The following HIP1 variants were observed in gnomAD, a reference collection of about 807,000 sequenced individuals.
The protein encoded by HIP1 is huntingtin-interacting protein 1.
A neutral mutation model predicts 147.6 loss-of-function variants in HIP1; 65 were observed. That is an observed-to-expected ratio of 0.44 (90% confidence interval 0.36 to 0.54). The LOEUF is 0.54. HIP1 is among the 20% of genes least tolerant of loss of function. The pLI, the probability that HIP1 is intolerant of heterozygous loss-of-function variation, is 0.00. For synonymous variants in HIP1, 479 were observed against 504.0 expected (o/e 0.95, Z 0.67); for missense variants, 1,061 against 1,299.6 (o/e 0.82, Z 2.82).
Position 75,547,770 on chromosome 7 carries a change from A to G in HIP1, c.2450T>C (p.Leu817Ser), listed in dbSNP as rs146331669. ...KSRAGDTGVK[L>S]EVNERILGCC... is the part of the protein sequence containing the mutation. ...TCAGACCGACCTTTCATTCACCTCC[A>G]ATTTGACTCCTGTGTCTCCTGCTCG... Residue 817 changes from leucine to serine, a missense_variant, in exon 24 of 31, where the codon TTG becomes TCG. Leu to Ser is a moderately radical substitution (Grantham distance 145). Coordinates refer to ENST00000336926, the MANE Select transcript of HIP1 (RefSeq NM_005338.7). 458 of 1,613,818 alleles carry G rather than the reference A, an allele frequency of 2.8e-4. 1 individual carries two copies. The highest frequency in any genetic ancestry group is 4.5e-4 in the Admixed American group (27 of 59,978).
chr7:75,557,825 C>G (rs950147716), intron 15 of HIP1, 55 bp from the exon 16 acceptor site: 4 of 1,311,788 alleles, frequency 3.0e-6, no homozygotes, highest in South Asian at 1.2e-5. Context: ...AGAGGACATC[C>G]TCCTTCTAGG....
chr7:75,672,132 C>A (rs782088181), intron 1 of HIP1, among the ~76,000 whole-genome samples: 1 of 152,138 alleles, frequency 6.6e-6, no homozygotes, highest in Non-Finnish European at 1.5e-5. Flanking sequence ...GTGATAGGCA[C>A]CTTTGCATGT....
At chr7:75,540,741 T>C (rs1353518937) in intron 29 of HIP1, among the ~76,000 whole-genome samples, 2 of 152,166 alleles carry the variant, frequency 1.3e-5, no homozygotes, top group African/African-American at 4.8e-5. Flanking sequence ...AGGATCTCGC[T>C]GATACCTATT....
At chr7:75,714,030 C>T (rs554734282) in intron 1 of HIP1, among the ~76,000 whole-genome samples, 58 of 148,444 alleles carry the variant, frequency 3.9e-4, no homozygotes, top group African/African-American at 1.4e-3. Flanking sequence ...TATTTTATTT[C>T]ATTTTATTTT....
At chr7:75,545,733 C>T (rs587736127) in intron 25 of HIP1, among the ~76,000 whole-genome samples, 4 of 152,086 alleles carry the variant, frequency 2.6e-5, no homozygotes, top group African/African-American at 9.6e-5. Context: ...ATCACGAGGT[C>T]AAGAGATTGA....
At chr7:75,691,202 A>G (rs1800441787) in intron 1 of HIP1, among the ~76,000 whole-genome samples, 1 of 151,858 alleles carries the variant, frequency 6.6e-6, no homozygotes, top group Non-Finnish European at 1.5e-5. Context: ...AAACTTCCAG[A>G]AAAGGGCCGG....
intron 1 of HIP1, among the ~76,000 whole-genome samples, chr7:75,721,190 C>A (rs1484579267): frequency 6.6e-6 from 1 of 151,854 alleles, no homozygotes. Flanking sequence ...CAGCCTGCCC[C>A]AAATGGTGAA....
At chr7:75,615,430 T>C (rs1412466990) in intron 1 of HIP1, among the ~76,000 whole-genome samples, 3 of 152,072 alleles carry the variant, frequency 2.0e-5, no homozygotes, top group Non-Finnish European at 4.4e-5. Context: ...GGTATATCTG[T>C]AGTGGTGGCT....
At chr7:75,541,358 G>C (rs1255305865) in intron 29 of HIP1, among the ~76,000 whole-genome samples, 1 of 152,014 alleles carries the variant, frequency 6.6e-6, no homozygotes, top group Admixed American at 6.6e-5. Context: ...GTGAAACCCT[G>C]TCTCTACTAA....
At chr7:75,554,579 A>C in intron 19 of HIP1, 53 bp from the exon 20 acceptor site, 1 of 1,338,638 alleles carries the variant, frequency 7.5e-7, no homozygotes, top group Non-Finnish European at 1.1e-6. Flanking sequence ...AGCTGGCTTC[A>C]TCCTCGTTAA....
chr7:75,648,781 G>A (rs139225050), intron 1 of HIP1, among the ~76,000 whole-genome samples: 1 of 152,208 alleles, frequency 6.6e-6, no homozygotes, highest in Non-Finnish European at 1.5e-5. Flanking sequence ...CCAGAGAGCA[G>A]ACCCTGGGAA....
At chr7:75,617,671 C>T (rs947624411) in intron 1 of HIP1, among the ~76,000 whole-genome samples, 2 of 152,162 alleles carry the variant, frequency 1.3e-5, no homozygotes, top group Non-Finnish European at 2.9e-5. Flanking sequence ...GTAAGAGACT[C>T]GGACACCAGG....
In HIP1 at chr7:75,536,828, C is replaced by T. The variant is rs1304770454; in HGVS notation, c.*1344G>A. Reference sequence around the variant, plus strand: ...AGAAAGATGAGCCTTGCTAGAGTCACACCTGAAGTTCTGATTGCTCCAAGC... The same window carrying T: ...AGAAAGATGAGCCTTGCTAGAGTCATACCTGAAGTTCTGATTGCTCCAAGC... On this transcript the variant is annotated 3_prime_UTR_variant, in exon 31 of 31. Transcript: ENST00000336926. 1 of 230,508 alleles carries T rather than the reference C, an allele frequency of 4.3e-6. No homozygotes were observed. Among genetic ancestry groups the T allele is most frequent in the Admixed American group, 5.7e-5 (1 of 17,692 alleles). The allele number at this position is 230,508 out of a possible 1,614,324, so 14.3% of individuals were successfully genotyped here.
At chr7:75,718,104 G>A (rs574939570) in intron 1 of HIP1, among the ~76,000 whole-genome samples, 6 of 151,956 alleles carry the variant, frequency 3.9e-5, no homozygotes, top group South Asian at 2.1e-4. Context: ...ACAACATAGC[G>A]AGACCCCATT....
intron 1 of HIP1, chr7:75,654,831 A>T (rs1298813210): frequency 8.5e-5 from 13 of 152,212 alleles, no homozygotes; most frequent in Admixed American, 8.5e-4. Context: ...CCTGGGCAAC[A>T]TAGCAAGAGC....
rs10546838 is a variant in HIP1 at position 75,681,497 on chromosome 7, CTTTTT to C, written c.120+57299_120+57303del. ...CCACCCCACAGCACCACAGCACCTG[CTTTTT>C]TTTTTTTTTTTTTTTTTTTTTTGAG... On this transcript the variant is annotated intron_variant, in intron 1 of 30. Coordinates refer to ENST00000336926, the MANE Select transcript of HIP1 (RefSeq NM_005338.7). Among the ~76,000 whole-genome samples the C allele has an allele frequency of 6.9e-3, 857 of 124,320 alleles. 17 individuals are homozygous for C. Among genetic ancestry groups the C allele is most frequent in the African/African-American group, 0.022 (763 of 34,330 alleles). 81.6% of individuals were successfully genotyped at this position (124,320 alleles called of 152,430 possible).
At chr7:75,555,058 G>A (rs1433857037) in intron 19 of HIP1, among the ~76,000 whole-genome samples, 7 of 151,750 alleles carry the variant, frequency 4.6e-5, no homozygotes, top group African/African-American at 1.7e-4. Context: ...GTGGTGTTGC[G>A]TGCCTGTAGT....
At chr7:75,562,583 C>T (rs896363923) in intron 11 of HIP1, among the ~76,000 whole-genome samples, 10 of 152,166 alleles carry the variant, frequency 6.6e-5, no homozygotes, top group Non-Finnish European at 1.5e-4. Context: ...AGTGATCCTC[C>T]CATCTCAGCT....
At chr7:75,649,803 G>A (rs1554511681) in intron 1 of HIP1, among the ~76,000 whole-genome samples, 2 of 152,138 alleles carry the variant, frequency 1.3e-5, no homozygotes, top group African/African-American at 2.4e-5. Context: ...TCTCCTACAC[G>A]GGGAATTTCC....
Sources: gnomAD v4.1 joint callset for allele counts (sites outside exome capture counted in the v4.1 genomes callset) on GRCh38, gnomAD v4.1.1 for gene constraint, MANE v1.5 for transcripts, NCBI Gene and HGNC (gene_info 2026-07-23, HGNC 2026-07-21) for gene names.